Variants in ZMIZ1 observed in about 807,000 individuals in gnomAD.
ZMIZ1 encodes zinc finger MIZ domain-containing protein 1.
Under a neutral mutation model 113.9 loss-of-function variants are expected in ZMIZ1, and 17 were observed. The ratio of observed to expected loss-of-function variants is 0.15; its 90% CI spans 0.10 to 0.22. ZMIZ1 has a LOEUF of 0.22. ZMIZ1 is among the 10% of genes least tolerant of loss of function. ZMIZ1 has a pLI of 1.00. For synonymous variants in ZMIZ1, 607 were observed against 603.1 expected, an observed-to-expected ratio of 1.01 and a Z score of -0.09; for missense variants, 1,059 against 1,477.8, an observed-to-expected ratio of 0.72 and a Z score of 4.65.
At chr10:79,124,748 A>G (rs892120653) in intron 2 of ZMIZ1, among the ~76,000 whole-genome samples, 16 of 152,118 alleles carry the variant, frequency 1.1e-4, no homozygotes, top group African/African-American at 3.1e-4. Context: ...TACAGAGTGG[A>G]AGAGTAGGGT....
intron 4 of ZMIZ1, among the ~76,000 whole-genome samples, chr10:79,199,598 T>C (rs1343922942): frequency 6.6e-6 from 1 of 152,180 alleles, no homozygotes; most frequent in African/African-American, 2.4e-5. Context: ...AAATAATGTG[T>C]ATAGAATGTT....
chr10:79,104,701 G>A (rs886168823), intron 1 of ZMIZ1, among the ~76,000 whole-genome samples: 8 of 152,196 alleles, frequency 5.3e-5, no homozygotes, highest in African/African-American at 1.9e-4. Flanking sequence ...GGGCCTGGGA[G>A]TCCTGCCAAA....
chr10:79,206,840 C>T (rs1331239439), intron 5 of ZMIZ1, among the ~76,000 whole-genome samples: 1 of 152,208 alleles, frequency 6.6e-6, no homozygotes, highest in Non-Finnish European at 1.5e-5. Context: ...TCTTTCTCTC[C>T]TACATCTCTT....
At chr10:79,190,616 G>T (rs77716520) in intron 4 of ZMIZ1, among the ~76,000 whole-genome samples, 3,284 of 152,208 alleles carry the variant, frequency 0.022, 117 homozygotes, top group African/African-American at 0.075. Flanking sequence ...GCTAACTAAA[G>T]GAGTACACTC....
chr10:79,280,565 AC>A (rs1274111543), intron 8 of ZMIZ1, among the ~76,000 whole-genome samples: 1 of 135,656 alleles, frequency 7.4e-6, no homozygotes, highest in African/African-American at 2.6e-5. Flanking sequence ...ATGCACCACT[AC>A]ACCTGTCTGA....
At chr10:79,285,383 T>C (rs1853003003) in intron 8 of ZMIZ1, 2 of 443,340 alleles carry the variant, frequency 4.5e-6, no homozygotes, top group Non-Finnish European at 9.1e-6. Flanking sequence ...GCCTCATACA[T>C]GTTAGGCACT....
chr10:79,303,702 C>T (rs1185768599), intron 18 of ZMIZ1, among the ~76,000 whole-genome samples: 1 of 152,202 alleles, frequency 6.6e-6, no homozygotes, highest in Non-Finnish European at 1.5e-5. Context: ...GCCATAATGA[C>T]TTTCCATGAG....
chr10:79,218,852 A>G (rs1848847031), intron 7 of ZMIZ1, among the ~76,000 whole-genome samples: 1 of 152,066 alleles, frequency 6.6e-6, no homozygotes, highest in South Asian at 2.1e-4. Flanking sequence ...AACTAAGAGA[A>G]AGGCAGTGAT....
At chr10:79,304,459 G>C (rs1854546525) in intron 19 of ZMIZ1, among the ~76,000 whole-genome samples, 1 of 152,246 alleles carries the variant, frequency 6.6e-6, no homozygotes, top group Non-Finnish European at 1.5e-5. Flanking sequence ...GGGCTGATTG[G>C]GGGCCCAAGA....
chr10:79,112,146 G>C (rs749980537), intron 1 of ZMIZ1, among the ~76,000 whole-genome samples: 22 of 152,342 alleles, frequency 1.4e-4, no homozygotes, highest in African/African-American at 4.6e-4. Flanking sequence ...GCAGTGGGAC[G>C]TGCTGGCAGT....
chr10:79,145,433 C>T (rs951869271), intron 3 of ZMIZ1, among the ~76,000 whole-genome samples: 7 of 152,312 alleles, frequency 4.6e-5, no homozygotes, highest in African/African-American at 1.4e-4. Context: ...TGGTGAAGAA[C>T]ACAGAGTCTA....
chr10:79,093,156 A>ACG (rs1269289538), intron 1 of ZMIZ1, among the ~76,000 whole-genome samples: 6 of 139,342 alleles, frequency 4.3e-5, no homozygotes, highest in Non-Finnish European at 9.7e-5. Flanking sequence ...ACACACACAC[A>ACG]CACACACACA....
chr10:79,180,319 T>C (rs1847063688), intron 4 of ZMIZ1, among the ~76,000 whole-genome samples: 2 of 152,232 alleles, frequency 1.3e-5, no homozygotes, highest in South Asian at 4.1e-4. Flanking sequence ...CCCCAGTGTC[T>C]ACTAGGACAC....
Position 79,190,955 on chromosome 10 carries a change from A to G in ZMIZ1, c.-49-10629A>G, listed in dbSNP as rs551690461. ...TGGCCTCTGTTCACTGCCTTTTCAA[A>G]AATAGACCACCTAGAAGACTTCATC... On this transcript the variant is annotated intron_variant, in intron 4 of 24. Transcript: ENST00000334512. Among the ~76,000 whole-genome samples, 7 of 152,260 alleles carry G rather than the reference A, an allele frequency of 4.6e-5. No individual in the cohort carries two copies. In the South Asian group the frequency reaches 1.5e-3, roughly 32 times the overall value.
Position 79,302,103 on chromosome 10 carries a change from G to T in ZMIZ1, c.2020-4G>T, listed in dbSNP as rs371269420. 4 of 1,613,378 alleles carry T rather than the reference G, an allele frequency of 2.5e-6. No homozygotes were observed. The highest frequency in any genetic ancestry group is 3.3e-5 in the Admixed American group (2 of 59,998). ...GGAACTGAGTGTCTCCTCTCTCCCCGCAGTCCCACCTCTTCGTGCTGCAGC... is the reference window on the plus strand; with the variant it reads ...GGAACTGAGTGTCTCCTCTCTCCCCTCAGTCCCACCTCTTCGTGCTGCAGC... On this transcript the variant is annotated splice_region_variant and splice_polypyrimidine_tract_variant and intron_variant, in intron 17 of 24. Transcript: ENST00000334512.
intron 8 of ZMIZ1, among the ~76,000 whole-genome samples, chr10:79,280,599 G>T (rs1419573909): frequency 6.6e-6 from 1 of 150,960 alleles, no homozygotes; most frequent in African/African-American, 2.4e-5. Context: ...TTTTCTTGGT[G>T]CAGGACTTTG....
chr10:79,247,239 T>C (rs919522400), intron 7 of ZMIZ1, among the ~76,000 whole-genome samples: 5 of 152,112 alleles, frequency 3.3e-5, no homozygotes, highest in Non-Finnish European at 5.9e-5. Flanking sequence ...TTGGCGACAC[T>C]CTCAGGTTTC....
intron 3 of ZMIZ1, among the ~76,000 whole-genome samples, chr10:79,152,015 A>G (rs976941659): frequency 2.6e-5 from 4 of 152,168 alleles, no homozygotes; most frequent in East Asian, 3.9e-4. Context: ...TGCTCTGTTT[A>G]TAAGAGTTCA....
intron 7 of ZMIZ1, among the ~76,000 whole-genome samples, chr10:79,250,289 G>GCCC (rs1348985249): frequency 6.6e-6 from 1 of 152,242 alleles, no homozygotes; most frequent in Non-Finnish European, 1.5e-5. Context: ...GCCTGTCCTT[G>GCCC]CCCTGTGTTG....
Sources: allele counts gnomAD v4.1 joint callset (sites outside exome capture counted in the v4.1 genomes callset), GRCh38; gene constraint gnomAD v4.1.1; transcripts MANE v1.5; gene names NCBI Gene and HGNC (gene_info 2026-07-23, HGNC 2026-07-21).